The following AHSG variants were observed in gnomAD, a reference collection of about 807,000 sequenced individuals.
The protein encoded by AHSG is alpha-2-HS-glycoprotein.
Under a neutral mutation model 30.1 loss-of-function variants are expected in AHSG, and 23 were observed. The ratio of observed to expected loss-of-function variants is 0.76; its 90% CI spans 0.55 to 1.08. The LOEUF is 1.08. Ranked by LOEUF, AHSG falls within the 50% of genes least tolerant of loss-of-function variation. AHSG has a pLI of 0.00. For synonymous variants in AHSG, 164 were observed against 186.3 expected (o/e 0.88, Z 0.98); for missense variants, 469 against 459.5 (o/e 1.02, Z -0.19).
At chr3:186,620,420 C>A (rs1184845759) in intron 6 of AHSG, among the ~76,000 whole-genome samples, 166 bp from the exon 7 acceptor site, 3 of 152,150 alleles carry the variant, frequency 2.0e-5, no homozygotes, top group Admixed American at 6.5e-5. Flanking sequence ...CTCCTTGTAA[C>A]CTTGATGACA....
chr3:186,618,423 G>T (rs926771779), intron 4 of AHSG, 113 bp from the exon 5 acceptor site: 6 of 1,506,086 alleles, frequency 4.0e-6, no homozygotes, highest in South Asian at 1.3e-5. Context: ...CTGGGCCGAC[G>T]CATGGTCTGC....
In AHSG at chr3:186,617,204, C is replaced by A. The variant is rs1192798742; in HGVS notation, c.427C>A (p.Arg143Ser). The change falls in exon 4 of 7, where the codon CGC (arginine) becomes AGC (serine). Residue 143 changes from arginine to serine, a missense_variant. By Grantham distance (110) the Arg-to-Ser change is moderately radical. Coordinates refer to ENST00000411641, the MANE Select transcript of AHSG (RefSeq NM_001622.4). ...CCGAGCAGACTCAGCCGAGGACGTGCGCAAGGTGTGCCAAGACTGCCCCCT... is the reference window on the plus strand; with the variant it reads ...CCGAGCAGACTCAGCCGAGGACGTGAGCAAGGTGTGCCAAGACTGCCCCCT... ...DSSPDSAEDV[R>S]KVCQDCPLLA... The A allele has an allele frequency of 1.2e-6, 2 of 1,612,364 alleles. No homozygotes were observed. Among genetic ancestry groups the A allele is most frequent in the African/African-American group, 1.3e-5 (1 of 74,892 alleles).
chr3:186,613,277 G>C lies in AHSG; in HGVS notation c.136G>C (p.Asp46His), dbSNP rs1209019248. ...TGAGGAAGCAGCTCTGGTGGCTATA[G>C]ACTACATCAATCAAAACCTTCCTTG... is the stretch of plus-strand genomic sequence containing the variant. ...ETEEAALVAI[D>H]YINQNLPWGY... Residue 46 changes from aspartate to histidine, a missense_variant, in exon 1 of 7, where the codon GAC becomes CAC. Coordinates refer to ENST00000411641, the MANE Select transcript of AHSG (RefSeq NM_001622.4). 1.2e-6 allele frequency: 2 copies of C among 1,614,200 alleles called. No individual in the cohort carries two copies. Among genetic ancestry groups the C allele is most frequent in the Non-Finnish European group, 1.7e-6 (2 of 1,180,050 alleles).
rs934229190 is a variant in AHSG, at chr3:186,613,150, C to T, written c.9C>T (p.Ser3=). ...GCCTCTCTGGGGCAGCCATGAAGTCCCTCGTCCTGCTCCTTTGTCTTGCTC... is the reference window on the plus strand; with the variant it reads ...GCCTCTCTGGGGCAGCCATGAAGTCTCTCGTCCTGCTCCTTTGTCTTGCTC... MK[S]LVLLLCLAQL... Residue 3 remains serine, a synonymous_variant, in exon 1 of 7, where the codon TCC becomes TCT. Transcript: ENST00000411641. 4 of 1,613,964 alleles carry T rather than the reference C, an allele frequency of 2.5e-6. No individual in the cohort carries two copies. Among genetic ancestry groups the T allele is most frequent in the Non-Finnish European group, 3.4e-6 (4 of 1,180,006 alleles).
chr3:186,613,560 TG>T (rs1716209555), intron 1 of AHSG, among the ~76,000 whole-genome samples: 1 of 151,708 alleles, frequency 6.6e-6, no homozygotes, highest in African/African-American at 2.4e-5. Context: ...GGGAGCTGGG[TG>T]GGGTGTGAGG....
chr3:186,619,112 T>C (rs1223314904), intron 5 of AHSG, among the ~76,000 whole-genome samples: 1 of 151,992 alleles, frequency 6.6e-6, no homozygotes, highest in South Asian at 2.1e-4. Context: ...CTGGCTAACA[T>C]GGTGAAACCC....
intron 1 of AHSG, among the ~76,000 whole-genome samples, chr3:186,615,454 A>G (rs76373556): frequency 5.6e-4 from 86 of 152,346 alleles, no homozygotes; most frequent in African/African-American, 1.7e-3. Flanking sequence ...CTTTGCGAGC[A>G]TCATCTGGTG....
Position 186,619,940 on chromosome 3 carries a change from G to A in AHSG, c.759G>A (p.Gln253=). The change falls in exon 6 of 7, where the codon CAG becomes CAA. Residue 253 remains glutamine (Q), a splice_region_variant and synonymous_variant. Transcript: ENST00000411641. ...TGACCTGCATGGTGTTCCAAACACA[G>A]GTAACAGCTCCGTGAATATTCTTGC... ...VAVTCMVFQT[Q]PVSSQPQPEG... is the part of the protein sequence containing the mutation. 2 of 1,609,036 alleles carry A rather than the reference G, an allele frequency of 1.2e-6. No homozygotes were observed. Among genetic ancestry groups the A allele is most frequent in the Non-Finnish European group, 1.7e-6 (2 of 1,178,142 alleles).
At chr3:186,614,956 G>T (rs913017893) in intron 1 of AHSG, among the ~76,000 whole-genome samples, 1 of 151,784 alleles carries the variant, frequency 6.6e-6, no homozygotes, top group African/African-American at 2.4e-5. Flanking sequence ...TATCTCCAAG[G>T]ATTGTTGCAA....
intron 6 of AHSG, 116 bp from the exon 7 acceptor site, chr3:186,620,468 CTT>C: frequency 1.1e-6 from 1 of 901,300 alleles, no homozygotes; most frequent in Non-Finnish European, 1.7e-6. Flanking sequence ...TTGCTAGACT[CTT>C]TGCAAATAAA....
intron 3 of AHSG, 148 bp downstream of exon 3, chr3:186,616,675 T>C: frequency 1.3e-6 from 1 of 753,656 alleles, no homozygotes; most frequent in Non-Finnish European, 2.1e-6. Flanking sequence ...TTTTTAAAAT[T>C]GTGTTTTAAG....
At chr3:186,615,652 G>T in intron 1 of AHSG, 33 bp from the exon 2 acceptor site, 1 of 1,576,902 alleles carries the variant, frequency 6.3e-7, no homozygotes, top group Non-Finnish European at 8.7e-7. Flanking sequence ...CAGGGGAATA[G>T]GTTGCTCACG....
chr3:186,618,586 T>C lies in AHSG; in HGVS notation c.624T>C (p.Cys208=). Reference sequence around the variant, plus strand: ...AGTTTACAGTGTCTGGCACTGACTGTGTTGCTAAAGAGGCCACAGAGGCAG... The same window carrying C: ...AGTTTACAGTGTCTGGCACTGACTGCGTTGCTAAAGAGGCCACAGAGGCAG... The part of the protein sequence containing the change: ...YVEFTVSGTD[C]VAKEATEAAK... Residue 208 remains cysteine (C), a synonymous_variant, in exon 5 of 7, where the codon TGT becomes TGC. Coordinates refer to ENST00000411641, the MANE Select transcript of AHSG (RefSeq NM_001622.4). 6.2e-7 allele frequency: 1 copy of C among 1,614,154 alleles called. No individual in the cohort carries two copies. The highest frequency in any genetic ancestry group is 8.5e-7 in the Non-Finnish European group (1 of 1,179,986).
At chr3:186,617,774 G>A (rs1716355475) in intron 4 of AHSG, 1 of 256,952 alleles carries the variant, frequency 3.9e-6, no homozygotes, top group African/African-American at 2.2e-5. Context: ...GTGCTGACAA[G>A]CTTATAATGG....
chr3:186,619,095 G>T (rs951139933), intron 5 of AHSG, among the ~76,000 whole-genome samples: 1 of 152,126 alleles, frequency 6.6e-6, no homozygotes, highest in Non-Finnish European at 1.5e-5. Context: ...AGGAGATCGA[G>T]ACCATCCTGG....
chr3:186,617,866 G>C, intron 4 of AHSG: 1 of 184,522 alleles, frequency 5.4e-6, no homozygotes, highest in East Asian at 1.4e-4. Context: ...GAATTCAACA[G>C]AATTCAAATG....
chr3:186,617,007 G>C (rs1716323579), intron 3 of AHSG, among the ~76,000 whole-genome samples, 180 bp from the exon 4 acceptor site: 1 of 152,212 alleles, frequency 6.6e-6, no homozygotes, highest in Non-Finnish European at 1.5e-5. Flanking sequence ...AAATTGCCTC[G>C]TGATGATAAG....
Position 186,613,168 on chromosome 3 carries a change from T to C in AHSG, c.27T>C (p.Cys9=). 1.2e-6 allele frequency: 2 copies of C among 1,614,030 alleles called. No homozygotes were observed. Among genetic ancestry groups the C allele is most frequent in the South Asian group, 1.1e-5 (1 of 91,082 alleles). The change falls in exon 1 of 7, where the codon TGT becomes TGC. Residue 9 remains cysteine, a synonymous_variant. Transcript: ENST00000411641. ...TGAAGTCCCTCGTCCTGCTCCTTTG[T>C]CTTGCTCAGCTCTGGGGCTGCCACT... MKSLVLLL[C]LAQLWGCHSA...
rs1480314237 is a variant in AHSG at position 186,614,792 on chromosome 3, G to A, written c.214-893G>A. 2.6e-5 allele frequency among the ~76,000 whole-genome samples: 4 copies of A among 152,194 alleles called. No homozygotes were observed. In the East Asian group the frequency reaches 7.7e-4, roughly 29 times the overall value. ...ATCATAAAATGCGGAGCTTCTCCCA[G>A]GGGAGGGGATGCTGAGGCTTCAGGT... On this transcript the variant is annotated intron_variant, in intron 1 of 6. Coordinates refer to ENST00000411641, the MANE Select transcript of AHSG (RefSeq NM_001622.4).
Sources: gnomAD v4.1 joint callset for allele counts (sites outside exome capture counted in the v4.1 genomes callset) on GRCh38, gnomAD v4.1.1 for gene constraint, MANE v1.5 for transcripts, NCBI Gene and HGNC (gene_info 2026-07-23, HGNC 2026-07-21) for gene names.